Variants in FOXP1 observed in about 807,000 individuals in gnomAD.
The protein encoded by FOXP1 is forkhead box P1, also known as forkhead box protein P1.
A neutral mutation model predicts 98.2 loss-of-function variants in FOXP1; 15 were observed. The observed-to-expected ratio is 0.15, with a 90% CI of 0.10 to 0.24. The LOEUF (loss-of-function observed/expected upper bound fraction) is 0.24, where lower values mean the gene tolerates loss of function less well. Among genes scored for constraint, FOXP1 ranks in the 10% least tolerant of loss-of-function variants. FOXP1 has a pLI of 1.00. For missense variants in FOXP1, 633 were observed against 848.5 expected (o/e 0.75, Z 3.15); for synonymous variants, 371 against 314.5 (o/e 1.18, Z -1.90).
chr3:71,155,253 G>A (rs1222362344), intron 6 of FOXP1, among the ~76,000 whole-genome samples: 2 of 152,108 alleles, frequency 1.3e-5, no homozygotes, highest in African/African-American at 4.8e-5. Context: ...AGCAGTGCTC[G>A]GGTGCCCTCT....
chr3:71,278,451 C>T (rs2071155110), intron 5 of FOXP1, among the ~76,000 whole-genome samples: 1 of 152,134 alleles, frequency 6.6e-6, no homozygotes, highest in African/African-American at 2.4e-5. Flanking sequence ...CATCCTGGTG[C>T]TTAAAACGGC....
At chr3:71,088,832 A>G (rs1262943131) in intron 7 of FOXP1, among the ~76,000 whole-genome samples, 1 of 152,226 alleles carries the variant, frequency 6.6e-6, no homozygotes, top group Non-Finnish European at 1.5e-5. Flanking sequence ...TTTGAGAAAG[A>G]AATCGAACTC....
At chr3:70,962,403 T>C (rs965331085) in intron 20 of FOXP1, among the ~76,000 whole-genome samples, 1 of 152,192 alleles carries the variant, frequency 6.6e-6, no homozygotes, top group Admixed American at 6.5e-5. Context: ...ATCTTTATGG[T>C]TCCTATGATT....
intron 7 of FOXP1, among the ~76,000 whole-genome samples, chr3:71,092,851 G>A (rs1289393996): frequency 1.3e-5 from 2 of 152,026 alleles, no homozygotes; most frequent in Non-Finnish European, 2.9e-5. Flanking sequence ...GAAGGATATA[G>A]AGAGACACGT....
chr3:71,201,639 C>T (rs1294331060), intron 5 of FOXP1, among the ~76,000 whole-genome samples: 4 of 145,814 alleles, frequency 2.7e-5, no homozygotes, highest in East Asian at 4.0e-4. Context: ...AAAAAGGGGG[C>T]GGGGAGAGGG....
intron 12 of FOXP1, among the ~76,000 whole-genome samples, chr3:71,009,315 A>T (rs2043241405): frequency 6.6e-6 from 1 of 152,224 alleles, no homozygotes; most frequent in African/African-American, 2.4e-5. Flanking sequence ...AAAATGGTAC[A>T]GCAAACTGTG....
chr3:71,030,814 TTAAAG>T (rs1443030627), intron 11 of FOXP1, among the ~76,000 whole-genome samples: 23 of 152,354 alleles, frequency 1.5e-4, no homozygotes, highest in African/African-American at 9.6e-5. Flanking sequence ...TTTTTTCTAA[TTAAAG>T]TAAACTGCCA....
At chr3:71,400,807 A>C (rs554188248) in intron 3 of FOXP1, among the ~76,000 whole-genome samples, 2 of 152,318 alleles carry the variant, frequency 1.3e-5, no homozygotes, top group East Asian at 3.9e-4. Context: ...AATGACCTAC[A>C]TTGTGTTAGA....
intron 5 of FOXP1, among the ~76,000 whole-genome samples, chr3:71,291,619 T>C (rs957575889): frequency 6.6e-6 from 1 of 152,224 alleles, no homozygotes; most frequent in East Asian, 1.9e-4. Flanking sequence ...AGTACTCATA[T>C]GTTTCAGAAG....
intron 5 of FOXP1, among the ~76,000 whole-genome samples, chr3:71,247,716 G>A (rs371755246): frequency 1.1e-4 from 16 of 152,094 alleles, no homozygotes; most frequent in African/African-American, 3.9e-4. Flanking sequence ...TTTCTTTTGG[G>A]GAAACGCCCA....
intron 3 of FOXP1, among the ~76,000 whole-genome samples, chr3:71,453,850 G>C (rs1210644085): frequency 6.6e-6 from 1 of 152,122 alleles, no homozygotes; most frequent in Non-Finnish European, 1.5e-5. Flanking sequence ...AAAATATAAA[G>C]TATTTATGGA....
intron 10 of FOXP1, among the ~76,000 whole-genome samples, chr3:71,045,749 T>C (rs1277554522): frequency 1.3e-5 from 2 of 152,114 alleles, no homozygotes; most frequent in Non-Finnish European, 2.9e-5. Context: ...TTGGGTGTGG[T>C]GGACTCAAGG....
intron 11 of FOXP1, among the ~76,000 whole-genome samples, chr3:71,024,701 G>A (rs534662043): frequency 2.4e-4 from 36 of 152,302 alleles, no homozygotes; most frequent in Middle Eastern, 6.8e-3. Context: ...CAATTGGAGT[G>A]ACTGTGAATT....
chr3:70,971,760 A>C, intron 18 of FOXP1: 1 of 344,462 alleles, frequency 2.9e-6, no homozygotes. Context: ...ATTTAGTTCT[A>C]GGGTCCCCGT....
chr3:71,241,516 T>A (rs1173985028), intron 5 of FOXP1, among the ~76,000 whole-genome samples: 1 of 152,178 alleles, frequency 6.6e-6, no homozygotes, highest in South Asian at 2.1e-4. Flanking sequence ...AGCAAGATAA[T>A]GAATCCTTTA....
At chr3:70,960,409 G>C (rs999028997) in intron 20 of FOXP1, among the ~76,000 whole-genome samples, 2 of 152,124 alleles carry the variant, frequency 1.3e-5, no homozygotes, top group Non-Finnish European at 2.9e-5. Context: ...ATGGACCAGC[G>C]CATGGTTCAC....
At chr3:71,062,302 A>G (rs1282574445) in intron 7 of FOXP1, among the ~76,000 whole-genome samples, 1 of 152,222 alleles carries the variant, frequency 6.6e-6, no homozygotes, top group Non-Finnish European at 1.5e-5. Context: ...TCCCTGTCAA[A>G]TGAAAATTCA....
chr3:70,966,272 G>T lies in FOXP1; in HGVS notation c.1723-216C>A, dbSNP rs2034753152. 4.5e-5 allele frequency: 26 copies of T among 578,800 alleles called. 1 individual carries two copies. The South Asian group carries it at 4.9e-4, about 11-fold the overall frequency. The allele number at this position is 578,800 out of a possible 1,614,324, so 35.9% of individuals were successfully genotyped here. Reference sequence around the variant, plus strand: ...GAAGAGCTAACTGGGGGCCAGGGGGGACCAAGTGCCTGTGGGTAGGAAGGA... The same window carrying T: ...GAAGAGCTAACTGGGGGCCAGGGGGTACCAAGTGCCTGTGGGTAGGAAGGA... On this transcript the variant is annotated intron_variant, in intron 19 of 20. Transcript: ENST00000649528.
intron 1 of FOXP1, chr3:71,582,825 G>C: frequency 1.0e-6 from 1 of 982,560 alleles, no homozygotes; most frequent in African/African-American, 1.7e-5. Context: ...CGAGGGGGTG[G>C]CGGGAGAGCT....
Sources: gnomAD v4.1 joint callset for allele counts (sites outside exome capture counted in the v4.1 genomes callset) on GRCh38, gnomAD v4.1.1 for gene constraint, MANE v1.5 for transcripts, NCBI Gene and HGNC (gene_info 2026-07-23, HGNC 2026-07-21) for gene names.